The following ZNF730 variants were observed in gnomAD, a reference collection of about 807,000 sequenced individuals.
ZNF730 encodes the protein zinc finger protein 730.
ZNF730 carries 12 observed loss-of-function variants against 12.6 expected under a neutral mutation model. The ratio of observed to expected loss-of-function variants is 0.95; its 90% confidence interval spans 0.61 to 1.54. ZNF730 has a LOEUF of 1.54. Among genes scored for constraint, ZNF730 ranks in the 40% most tolerant of loss-of-function variants. The pLI, the probability that ZNF730 is intolerant of heterozygous loss-of-function variation, is 0.00. For synonymous variants in ZNF730, 194 were observed against 195.8 expected (o/e 0.99, Z 0.08); for missense variants, 643 against 583.5 (o/e 1.10, Z -1.05).
chr19:23,104,503 A>G (rs1970370086), intron 1 of ZNF730, among the ~76,000 whole-genome samples: 2 of 152,136 alleles, frequency 1.3e-5, no homozygotes, highest in East Asian at 1.9e-4. Context: ...ATGGCCTTCA[A>G]TAATTGAGTA....
chr19:23,116,962 C>CG (rs1555714559), upstream of ZNF730: 3 of 410,870 alleles, frequency 7.3e-6, no homozygotes, highest in Non-Finnish European at 1.1e-5. Context: ...GGACACTGGG[C>CG]GGGGGGCCGT....
intron 1 of ZNF730, among the ~76,000 whole-genome samples, chr19:23,103,847 G>T (rs1300720167): frequency 1.3e-5 from 2 of 152,082 alleles, no homozygotes; most frequent in Non-Finnish European, 2.9e-5. Flanking sequence ...TGTCAATTGT[G>T]TTTCTAACTG....
Position 23,117,070 on chromosome 19 carries a change from G to A in ZNF730, c.-104G>A, listed in dbSNP as rs1310499036. On this transcript the variant is annotated 5_prime_UTR_variant, in exon 1 of 4. Transcript: ENST00000597761. Reference sequence around the variant, plus strand: ...CCGAAGCTCCAATTTTCGTCTGTCTGCTTTGTGTCCTCTGCACGTAGAAGC... The same window carrying A: ...CCGAAGCTCCAATTTTCGTCTGTCTACTTTGTGTCCTCTGCACGTAGAAGC... 6.3e-7 allele frequency: 1 copy of A among 1,580,270 alleles called. No individual in the cohort carries two copies. Among genetic ancestry groups the A allele is most frequent in the Non-Finnish European group, 8.6e-7 (1 of 1,157,566 alleles).
intron 1 of ZNF730, among the ~76,000 whole-genome samples, chr19:23,078,278 A>G (rs1226093882): frequency 6.6e-6 from 1 of 151,894 alleles, no homozygotes; most frequent in Non-Finnish European, 1.5e-5. Context: ...AATGATTTAT[A>G]TTATTCCCGG....
chr19:23,110,547 C>T (rs1970449994), intron 1 of ZNF730, among the ~76,000 whole-genome samples: 1 of 151,818 alleles, frequency 6.6e-6, no homozygotes, highest in Admixed American at 6.6e-5. Context: ...TCCCAAAGTG[C>T]TGGGATTACA....
At chr19:23,104,281 G>A (rs952367875) in intron 1 of ZNF730, among the ~76,000 whole-genome samples, 6 of 136,162 alleles carry the variant, frequency 4.4e-5, no homozygotes, top group Admixed American at 2.5e-4. Context: ...TAGCCTGGGC[G>A]ACAGAGAGAG....
intron 1 of ZNF730, among the ~76,000 whole-genome samples, chr19:23,096,659 C>T (rs1486485628): frequency 3.3e-5 from 5 of 152,106 alleles, no homozygotes; most frequent in African/African-American, 1.2e-4. Flanking sequence ...TATTTTGAGC[C>T]CATCATTTAG....
At chr19:23,092,914 G>C (rs1337663136) in intron 1 of ZNF730, among the ~76,000 whole-genome samples, 2 of 152,052 alleles carry the variant, frequency 1.3e-5, no homozygotes, top group Non-Finnish European at 2.9e-5. Context: ...TACTCTGTTG[G>C]GTTTTGGTGT....
chr19:23,110,028 G>A (rs1970443326), intron 1 of ZNF730, among the ~76,000 whole-genome samples: 1 of 150,598 alleles, frequency 6.6e-6, no homozygotes, highest in Non-Finnish European at 1.5e-5. Context: ...GTGCAGTGGT[G>A]TGATCTTGGC....
At chr19:23,089,984 AT>A (rs755138510) in intron 1 of ZNF730, among the ~76,000 whole-genome samples, 9 of 152,346 alleles carry the variant, frequency 5.9e-5, no homozygotes, top group Non-Finnish European at 1.3e-4. Flanking sequence ...ACAGTGGCTC[AT>A]GCCTGTAATC....
At position 23,136,109 on chromosome 19, in the gene ZNF730, A is replaced by C. The variant is rs995395172; in HGVS notation, c.226+66A>C. 6 of 1,202,448 alleles carry C rather than the reference A, an allele frequency of 5.0e-6. No homozygotes were observed. The East Asian group carries it at 1.2e-4, about 23-fold the overall frequency. The allele number at this position is 1,202,448 out of a possible 1,614,324, so 74.5% of individuals were successfully genotyped here. Reference sequence around the variant, plus strand: ...TCTATAGTTTAAAAAAAGAAAAAAAACCAGTTTTTAAAATAATTTGGGAAG... The same window carrying C: ...TCTATAGTTTAAAAAAAGAAAAAAACCCAGTTTTTAAAATAATTTGGGAAG... On this transcript the variant is annotated intron_variant, in intron 3 of 3. Transcript: ENST00000597761.
chr19:23,128,934 C>T (rs556698029), intron 1 of ZNF730, among the ~76,000 whole-genome samples: 2 of 152,278 alleles, frequency 1.3e-5, no homozygotes, highest in African/African-American at 2.4e-5. Context: ...CCAGCCACTA[C>T]AGTCATGGCT....
chr19:23,134,499 G>A (rs1473740109), intron 2 of ZNF730, among the ~76,000 whole-genome samples: 2 of 139,856 alleles, frequency 1.4e-5, no homozygotes, highest in African/African-American at 2.7e-5. Context: ...CCGCCCGGCC[G>A]GCCGCCCCGT....
chr19:23,081,787 C>G (rs1041305765), intron 1 of ZNF730, among the ~76,000 whole-genome samples: 1 of 152,180 alleles, frequency 6.6e-6, no homozygotes, highest in African/African-American at 2.4e-5. Flanking sequence ...TAGACAGACT[C>G]TTGTTCTGTC....
chr19:23,130,342 A>C (rs1408681868), intron 1 of ZNF730, among the ~76,000 whole-genome samples: 1 of 152,142 alleles, frequency 6.6e-6, no homozygotes, highest in Non-Finnish European at 1.5e-5. Flanking sequence ...CATGATTGTG[A>C]GGCCTCCTCA....
chr19:23,123,828 A>G (rs1192045429), intron 1 of ZNF730: 1 of 154,400 alleles, frequency 6.5e-6, no homozygotes, highest in Non-Finnish European at 1.5e-5. Flanking sequence ...TTTCTCTCCA[A>G]TGCTTTGGGT....
At chr19:23,112,253 A>G (rs151301574), upstream of ZNF730, among the ~76,000 whole-genome samples, 102 of 152,284 alleles carry the variant, frequency 6.7e-4, no homozygotes, top group East Asian at 0.017. Flanking sequence ...AGCTTTTTTA[A>G]TAAGATCAAA....
At chr19:23,115,765 G>A (rs182970253), upstream of ZNF730, among the ~76,000 whole-genome samples, 30 of 152,250 alleles carry the variant, frequency 2.0e-4, no homozygotes, top group African/African-American at 7.0e-4. Flanking sequence ...GTCTGAAGGA[G>A]CTCAGCTGGG....
intron 1 of ZNF730, among the ~76,000 whole-genome samples, chr19:23,077,755 G>C (rs985927019): frequency 6.6e-6 from 1 of 152,058 alleles, no homozygotes; most frequent in Non-Finnish European, 1.5e-5. Context: ...GTGGGGAAAA[G>C]AGAGATCAGA....
Sources: gnomAD v4.1 joint callset for allele counts (sites outside exome capture counted in the v4.1 genomes callset) on GRCh38, gnomAD v4.1.1 for gene constraint, MANE v1.5 for transcripts, NCBI Gene and HGNC (gene_info 2026-07-23, HGNC 2026-07-21) for gene names.